The following CMTM8 variants were observed in gnomAD, a reference collection of about 807,000 sequenced individuals.
CMTM8 encodes the protein CKLF like MARVEL transmembrane domain containing 8, also known as CKLF-like MARVEL transmembrane domain-containing protein 8.
Under a neutral mutation model 18.6 loss-of-function variants are expected in CMTM8, and 12 were observed. The observed-to-expected ratio is 0.65, with a 90% confidence interval of 0.41 to 1.05. The LOEUF (loss-of-function observed/expected upper bound fraction) is 1.05, where lower values mean the gene tolerates loss of function less well. Ranked by LOEUF, CMTM8 falls within the 50% of genes least tolerant of loss-of-function variation. CMTM8 has a pLI of 0.00. For missense variants in CMTM8, 217 were observed against 227.2 expected (o/e 0.95, Z 0.29); for synonymous variants, 87 against 90.6 (o/e 0.96, Z 0.23).
At chr3:32,347,253 G>C (rs1046918251) in intron 1 of CMTM8, among the ~76,000 whole-genome samples, 2 of 146,006 alleles carry the variant, frequency 1.4e-5, no homozygotes, top group South Asian at 4.5e-4. Flanking sequence ...AATAGAGTGG[G>C]TTTGTTTTGT....
chr3:32,248,517 A>G (rs961029775), intron 1 of CMTM8, among the ~76,000 whole-genome samples: 7 of 151,878 alleles, frequency 4.6e-5, no homozygotes, highest in Admixed American at 4.6e-4. Flanking sequence ...ACCCGCCACC[A>G]CACCTGGCTA....
chr3:32,357,919 C>A (rs1696848435), intron 2 of CMTM8, among the ~76,000 whole-genome samples: 1 of 152,204 alleles, frequency 6.6e-6, no homozygotes. Context: ...TTCCTATAAA[C>A]CTCTCCTGGG....
At chr3:32,342,532 G>T (rs1696519108) in intron 1 of CMTM8, among the ~76,000 whole-genome samples, 1 of 152,184 alleles carries the variant, frequency 6.6e-6, no homozygotes, top group Non-Finnish European at 1.5e-5. Context: ...GTATTGAGGT[G>T]GACCGTGTGG....
At chr3:32,266,812 A>G (rs1702353411) in intron 1 of CMTM8, among the ~76,000 whole-genome samples, 1 of 152,232 alleles carries the variant, frequency 6.6e-6, no homozygotes, top group African/African-American at 2.4e-5. Context: ...CACCAATAAC[A>G]GACAAACAGC....
chr3:32,364,909 G>T (rs777499944), intron 2 of CMTM8, among the ~76,000 whole-genome samples: 1 of 152,216 alleles, frequency 6.6e-6, no homozygotes, highest in African/African-American at 2.4e-5. Flanking sequence ...GGGGATGTTC[G>T]CAGCAGTGAT....
intron 1 of CMTM8, among the ~76,000 whole-genome samples, chr3:32,256,770 C>T (rs930167310): frequency 6.6e-6 from 1 of 152,190 alleles, no homozygotes; most frequent in Non-Finnish European, 1.5e-5. Flanking sequence ...GACAAAGTTC[C>T]TTCTCTCAAG....
At chr3:32,367,711 C>T (rs953802129) in intron 2 of CMTM8, among the ~76,000 whole-genome samples, 161 bp from the exon 3 acceptor site, 1 of 152,144 alleles carries the variant, frequency 6.6e-6, no homozygotes, top group Non-Finnish European at 1.5e-5. Context: ...CCTCTCCTCT[C>T]GCACTTAGAG....
chr3:32,278,800 T>G (rs7611893), intron 1 of CMTM8, among the ~76,000 whole-genome samples: 10 of 152,040 alleles, frequency 6.6e-5, no homozygotes, highest in Non-Finnish European at 1.0e-4. Context: ...GGGTCAGTCC[T>G]GTTTACTGAG....
chr3:32,287,770 C>A (rs939579699), intron 1 of CMTM8, among the ~76,000 whole-genome samples: 1 of 152,048 alleles, frequency 6.6e-6, no homozygotes, highest in African/African-American at 2.4e-5. Flanking sequence ...TTCCCTCAAC[C>A]ATATGGAGAT....
At chr3:32,296,853 CTG>C (rs575582698) in intron 1 of CMTM8, among the ~76,000 whole-genome samples, 73 of 152,318 alleles carry the variant, frequency 4.8e-4, no homozygotes, top group South Asian at 1.7e-3. Flanking sequence ...GGGCGGCAGA[CTG>C]TGTGTTATTG....
At chr3:32,260,123 C>A in intron 1 of CMTM8, 2 of 1,073,342 alleles carry the variant, frequency 1.9e-6, no homozygotes, top group Non-Finnish European at 2.8e-6. Flanking sequence ...TGGTGATGCC[C>A]TGGACAGCAG....
rs56252781 is a variant in CMTM8 at position 32,348,529 on chromosome 3, C to CTTTTTTTTTTTTTTT, written c.148-8831_148-8830insTTTTTTTTTTTTTTT. ...TTTTCTTCACTCTCTCTTCCTGGAA[C>CTTTTTTTTTTTTTTT]TTTTTTTTTTTTTGGAGACAAGATC... On this transcript the variant is annotated intron_variant, in intron 1 of 3. Transcript: ENST00000307526. Among the ~76,000 whole-genome samples, 72 of 102,036 alleles carry CTTTTTTTTTTTTTTT rather than the reference C, an allele frequency of 7.1e-4. 5 individuals carry two copies. The South Asian group carries it at 9.0e-3, about 13-fold the overall frequency. 66.9% of individuals were successfully genotyped at this position (102,036 alleles called of 152,430 possible).
intron 1 of CMTM8, among the ~76,000 whole-genome samples, chr3:32,310,556 C>T (rs927676258): frequency 1.3e-5 from 2 of 152,110 alleles, no homozygotes; most frequent in Non-Finnish European, 2.9e-5. Flanking sequence ...TTTCCTGCAG[C>T]GCGAGGAAGA....
chr3:32,349,899 T>G (rs1696671988), intron 1 of CMTM8, among the ~76,000 whole-genome samples: 1 of 151,986 alleles, frequency 6.6e-6, no homozygotes, highest in South Asian at 2.1e-4. Flanking sequence ...TCCCAGCTAC[T>G]CAGGAGGCTG....
intron 1 of CMTM8, among the ~76,000 whole-genome samples, chr3:32,309,861 C>T (rs946400618): frequency 1.3e-5 from 2 of 152,190 alleles, no homozygotes; most frequent in African/African-American, 4.8e-5. Flanking sequence ...GGGAGGCCCT[C>T]TCGTACTGCG....
At chr3:32,315,348 T>C (rs1222039290) in intron 1 of CMTM8, among the ~76,000 whole-genome samples, 1 of 152,158 alleles carries the variant, frequency 6.6e-6, no homozygotes, top group Non-Finnish European at 1.5e-5. Context: ...CAGGCTGGTC[T>C]CGAACTCCTC....
intron 1 of CMTM8, among the ~76,000 whole-genome samples, chr3:32,271,226 A>G (rs1480883276): frequency 1.3e-5 from 2 of 152,158 alleles, no homozygotes; most frequent in Non-Finnish European, 2.9e-5. Context: ...TCCTGGCTTC[A>G]AGCGATTCTC....
intron 1 of CMTM8, among the ~76,000 whole-genome samples, chr3:32,356,823 G>T (rs1332149197): frequency 1.3e-5 from 2 of 152,162 alleles, no homozygotes; most frequent in African/African-American, 4.8e-5. Context: ...TAAAACCCCT[G>T]ATTAGTACTA....
At chr3:32,316,087 C>T (rs188192912) in intron 1 of CMTM8, among the ~76,000 whole-genome samples, 23 of 134,278 alleles carry the variant, frequency 1.7e-4, no homozygotes, top group Admixed American at 1.7e-3. Flanking sequence ...AGTACAGTGG[C>T]GCGATCTCGG....
Sources: allele counts gnomAD v4.1 joint callset (sites outside exome capture counted in the v4.1 genomes callset), GRCh38; gene constraint gnomAD v4.1.1; transcripts MANE v1.5; gene names NCBI Gene and HGNC (gene_info 2026-07-23, HGNC 2026-07-21).